The following GRIK2 variants were observed in gnomAD, a reference collection of about 807,000 sequenced individuals.
GRIK2 encodes the protein glutamate ionotropic receptor kainate type subunit 2.
A neutral mutation model predicts 100.3 loss-of-function variants in GRIK2; 32 were observed. The ratio of observed to expected loss-of-function variants is 0.32; its 90% CI spans 0.24 to 0.43. The LOEUF is 0.43. Ranked by LOEUF, GRIK2 falls within the 20% of genes least tolerant of loss-of-function variation. The pLI, the probability that GRIK2 is intolerant of heterozygous loss-of-function variation, is 1.00. For synonymous variants in GRIK2, 417 were observed against 389.4 expected (o/e 1.07, Z -0.83); for missense variants, 843 against 1,114.9 (o/e 0.76, Z 3.47).
intron 4 of GRIK2, among the ~76,000 whole-genome samples, chr6:101,674,517 G>A (rs550875605): frequency 2.6e-5 from 4 of 152,130 alleles, no homozygotes; most frequent in African/African-American, 9.7e-5. Context: ...ATATATGTTT[G>A]GAAGGACGTC....
At chr6:101,685,604 C>G (rs1771620478) in intron 6 of GRIK2, among the ~76,000 whole-genome samples, 1 of 152,090 alleles carries the variant, frequency 6.6e-6, no homozygotes, top group Non-Finnish European at 1.5e-5. Flanking sequence ...TTATTGGAAA[C>G]TTATAGTGAA....
intron 7 of GRIK2, among the ~76,000 whole-genome samples, chr6:101,772,165 A>G (rs1042090733): frequency 4.6e-5 from 7 of 152,164 alleles, no homozygotes; most frequent in Non-Finnish European, 1.0e-4. Context: ...TAAAGGTGGC[A>G]TCAAGGTTTA....
intron 14 of GRIK2, among the ~76,000 whole-genome samples, chr6:102,004,331 T>G (rs776536673): frequency 6.7e-6 from 1 of 148,772 alleles, no homozygotes; most frequent in Non-Finnish European, 1.5e-5. Flanking sequence ...CAGATCATAA[T>G]AACAAACTGA....
In GRIK2 at chr6:101,744,132, C is replaced by T. The variant is rs1451546822; in HGVS notation, c.952-55516C>T. Among the ~76,000 whole-genome samples, 11 of 151,852 alleles carry T rather than the reference C, an allele frequency of 7.2e-5. 1 individual carries two copies. The highest frequency in any genetic ancestry group is 3.9e-4 in the East Asian group (2 of 5,154). On this transcript the variant is annotated intron_variant, in intron 7 of 16. Transcript: ENST00000369134. ...TAATTTTTTGTGTTTTTAGTAGAGA[C>T]GGGGTTTCAACATGTTGGCCAGGAT... is the stretch of plus-strand genomic sequence containing the variant.
intron 2 of GRIK2, among the ~76,000 whole-genome samples, chr6:101,537,548 A>T (rs1049455753): frequency 2.0e-5 from 3 of 151,436 alleles, no homozygotes; most frequent in African/African-American, 7.3e-5. Flanking sequence ...TAAGTTATTT[A>T]TCTATGTTCC....
intron 15 of GRIK2, among the ~76,000 whole-genome samples, chr6:102,051,301 CT>C (rs1771181520): frequency 6.7e-6 from 1 of 149,682 alleles, no homozygotes; most frequent in Admixed American, 6.7e-5. Context: ...TCCTTCCTTC[CT>C]TCCTTCCTTC....
At chr6:101,654,036 G>C (rs1781942430) in intron 4 of GRIK2, among the ~76,000 whole-genome samples, 2 of 152,146 alleles carry the variant, frequency 1.3e-5, no homozygotes, top group Admixed American at 6.6e-5. Context: ...TTTAAACTGT[G>C]AGGTCTCTAT....
chr6:101,698,857 T>C (rs1033288092), intron 7 of GRIK2, among the ~76,000 whole-genome samples: 8 of 152,140 alleles, frequency 5.3e-5, no homozygotes, highest in African/African-American at 1.9e-4. Flanking sequence ...AGCATTTATC[T>C]ACTTTTTGTT....
intron 2 of GRIK2, among the ~76,000 whole-genome samples, chr6:101,527,201 C>A (rs543741588): frequency 6.6e-6 from 1 of 152,284 alleles, no homozygotes; most frequent in East Asian, 1.9e-4. Flanking sequence ...AACTCTAGAT[C>A]AGTCACATGT....
rs1020031770 is a variant in GRIK2, at chr6:101,667,852, G to A, written c.542-8771G>A. On this transcript the variant is annotated intron_variant, in intron 4 of 16. Transcript: ENST00000369134. ...TATCCCACCACCTGGGTCAGATCCC[G>A]TATTGAAACATGCCCCTAGACACAG... 2.0e-4 allele frequency among the ~76,000 whole-genome samples: 30 copies of A among 152,214 alleles called. No individual in the cohort carries two copies. In the South Asian group the frequency reaches 2.7e-3, roughly 14 times the overall value.
chr6:101,723,385 T>C (rs1441261469), intron 7 of GRIK2, among the ~76,000 whole-genome samples: 3 of 152,076 alleles, frequency 2.0e-5, no homozygotes, highest in South Asian at 2.1e-4. Flanking sequence ...TTTTCCACTG[T>C]AGCATCTAAG....
intron 3 of GRIK2, among the ~76,000 whole-genome samples, chr6:101,623,949 A>G (rs1780305656): frequency 6.6e-6 from 1 of 152,106 alleles, no homozygotes; most frequent in Admixed American, 6.5e-5. Flanking sequence ...CAAGAAATGT[A>G]TATATTGATA....
At chr6:101,819,044 T>G (rs1229121463) in intron 10 of GRIK2, among the ~76,000 whole-genome samples, 1 of 152,194 alleles carries the variant, frequency 6.6e-6, no homozygotes, top group Non-Finnish European at 1.5e-5. Flanking sequence ...ACTGACAGAC[T>G]TAATATTGTT....
chr6:101,887,627 G>A (rs1378375860), intron 11 of GRIK2, among the ~76,000 whole-genome samples: 1 of 152,138 alleles, frequency 6.6e-6, no homozygotes, highest in Non-Finnish European at 1.5e-5. Context: ...AGTTCTGTAA[G>A]CTGTATAGGA....
chr6:101,941,512 G>GT (rs1177884216), intron 14 of GRIK2, among the ~76,000 whole-genome samples: 2 of 150,444 alleles, frequency 1.3e-5, no homozygotes, highest in Non-Finnish European at 3.0e-5. Context: ...TTTCTTAATA[G>GT]TAAAAAAAAG....
rs114097831 is a variant in GRIK2, at chr6:101,427,246, C to T, written c.115+27854C>T. 5.6e-3 allele frequency among the ~76,000 whole-genome samples: 847 copies of T among 152,322 alleles called. 3 individuals are homozygous for T. Among genetic ancestry groups the T allele is most frequent in the African/African-American group, 0.02 (825 of 41,572 alleles). ...GTGCCTACTTCTTGACACCGCTCCT[C>T]CCACTCATTGAACTTTTTGTTGAAA... is the stretch of plus-strand genomic sequence containing the variant. On this transcript the variant is annotated intron_variant, in intron 2 of 16. Transcript: ENST00000369134.
intron 2 of GRIK2, among the ~76,000 whole-genome samples, chr6:101,539,623 G>A (rs1775888240): frequency 6.6e-6 from 1 of 151,754 alleles, no homozygotes; most frequent in Non-Finnish European, 1.5e-5. Flanking sequence ...TAGGTTTCTA[G>A]TGGGCCTTCT....
At chr6:101,876,234 A>G (rs574113218) in intron 11 of GRIK2, among the ~76,000 whole-genome samples, 3 of 151,992 alleles carry the variant, frequency 2.0e-5, no homozygotes, top group Non-Finnish European at 4.4e-5. Context: ...CACATTTCAT[A>G]TAACCTAACC....
chr6:101,789,386 G>A (rs148502184), intron 7 of GRIK2, among the ~76,000 whole-genome samples: 13 of 152,070 alleles, frequency 8.5e-5, no homozygotes, highest in South Asian at 4.2e-4. Flanking sequence ...TTTTGTATAA[G>A]GTGTAAGGAA....
Sources: gnomAD v4.1 joint callset for allele counts (sites outside exome capture counted in the v4.1 genomes callset) on GRCh38, gnomAD v4.1.1 for gene constraint, MANE v1.5 for transcripts, NCBI Gene and HGNC (gene_info 2026-07-23, HGNC 2026-07-21) for gene names.